The following KCNK9 variants were observed in gnomAD, a reference collection of about 807,000 sequenced individuals.
KCNK9 encodes potassium channel subfamily K member 9.
A neutral mutation model predicts 10.8 loss-of-function variants in KCNK9; 1 was observed. The ratio of observed to expected loss-of-function variants is 0.09; its 90% confidence interval spans 0.03 to 0.44. The LOEUF (loss-of-function observed/expected upper bound fraction) is 0.44. Ranked by LOEUF, KCNK9 falls within the 20% of genes least tolerant of loss-of-function variation. The probability of loss-of-function intolerance (pLI) is 0.97; values close to 1 mark genes in which losing one functional copy is unlikely to be tolerated. For synonymous variants in KCNK9, 231 were observed against 222.7 expected (o/e 1.04, Z -0.33); for missense variants, 303 against 515.0 (o/e 0.59, Z 3.98).
chr8:139,637,471 C>T (rs2080638), intron 1 of KCNK9, among the ~76,000 whole-genome samples: 6,268 of 152,248 alleles, frequency 0.041, 386 homozygotes, highest in African/African-American at 0.14. Flanking sequence ...AGAAGAGAAT[C>T]TTGCTCTTTG....
intron 1 of KCNK9, among the ~76,000 whole-genome samples, chr8:139,622,414 C>A (rs969605274): frequency 6.6e-6 from 1 of 152,184 alleles, no homozygotes; most frequent in South Asian, 2.1e-4. Flanking sequence ...CATCAAGGGT[C>A]CCTTTGCCCT....
chr8:139,670,633 T>A (rs1356101716), intron 1 of KCNK9, among the ~76,000 whole-genome samples: 1 of 152,004 alleles, frequency 6.6e-6, no homozygotes, highest in Admixed American at 6.6e-5. Flanking sequence ...GGATCCATTC[T>A]CCCCCAGGTA....
intron 1 of KCNK9, among the ~76,000 whole-genome samples, chr8:139,663,682 T>TGTGTGTGTGTGTGTGTGTGTGTG: frequency 6.9e-6 from 1 of 145,756 alleles, no homozygotes; most frequent in African/African-American, 2.6e-5. Flanking sequence ...TGTGTGTGTG[T>TGTGTGTGTGTGTGTGTGTGTGTG]TAGAGAGAGA....
At chr8:139,686,969 G>A (rs1816802933) in intron 1 of KCNK9, among the ~76,000 whole-genome samples, 2 of 152,100 alleles carry the variant, frequency 1.3e-5, no homozygotes, top group Admixed American at 1.3e-4. Flanking sequence ...GTAACTGTCA[G>A]TGCATGAAGG....
At chr8:139,700,509 C>CACAT (rs1554628677) in intron 1 of KCNK9, among the ~76,000 whole-genome samples, 6 of 110,182 alleles carry the variant, frequency 5.4e-5, no homozygotes, top group African/African-American at 2.7e-4. Flanking sequence ...CACACACACA[C>CACAT]GCGCGCGCGC....
At chr8:139,600,841 G>C (rs979108612), downstream of KCNK9, 3 of 152,224 alleles carry the variant, frequency 2.0e-5, no homozygotes, top group Admixed American at 6.5e-5. Context: ...CAGCATCTCA[G>C]AGTGCCTGGC....
chr8:139,698,652 C>T (rs752926079), intron 1 of KCNK9, among the ~76,000 whole-genome samples: 9 of 152,184 alleles, frequency 5.9e-5, no homozygotes, highest in Non-Finnish European at 1.2e-4. Flanking sequence ...CAAGGCCAGG[C>T]CTTATCTTGT....
At chr8:139,658,955 C>T (rs1222688217) in intron 1 of KCNK9, among the ~76,000 whole-genome samples, 1 of 152,196 alleles carries the variant, frequency 6.6e-6, no homozygotes, top group Non-Finnish European at 1.5e-5. Context: ...TTTGCTGAGG[C>T]AGTTGTGGAA....
At chr8:139,675,826 T>G (rs1420323646) in intron 1 of KCNK9, among the ~76,000 whole-genome samples, 2 of 152,122 alleles carry the variant, frequency 1.3e-5, no homozygotes, top group East Asian at 3.9e-4. Flanking sequence ...TGACAGAACC[T>G]GTTGGTGTTC....
chr8:139,611,445 T>A (rs184843771), downstream of KCNK9: 1 of 152,430 alleles, frequency 6.6e-6, no homozygotes, highest in East Asian at 1.9e-4. Flanking sequence ...CTTGCCTCTC[T>A]CAAGGCCCCA....
chr8:139,648,262 G>A (rs994940393), intron 1 of KCNK9, among the ~76,000 whole-genome samples: 2 of 152,156 alleles, frequency 1.3e-5, no homozygotes, highest in East Asian at 3.9e-4. Context: ...AGGGGATGGG[G>A]AGGAGAGAAT....
intron 1 of KCNK9, among the ~76,000 whole-genome samples, chr8:139,631,565 C>T (rs921578694): frequency 2.0e-4 from 30 of 152,174 alleles, no homozygotes; most frequent in African/African-American, 7.2e-4. Context: ...CTGCTGGCCG[C>T]CTCCACCCCT....
rs55774122 is a variant in KCNK9, at chr8:139,691,501, C to T, written c.283+11209G>A. Among the ~76,000 whole-genome samples, 1,086 of 152,268 alleles carry T rather than the reference C, an allele frequency of 7.1e-3. 10 individuals are homozygous for T. The highest frequency in any genetic ancestry group is 0.025 in the African/African-American group (1,040 of 41,554). On this transcript the variant is annotated intron_variant, in intron 1 of 1. Transcript: ENST00000520439. ...ATAGTAACACAACTGAGTGCTGTGC[C>T]CCCTGACCTGCTGATCCCACTACAG...
chr8:139,670,928 G>A (rs1816412763), intron 1 of KCNK9, among the ~76,000 whole-genome samples: 1 of 152,144 alleles, frequency 6.6e-6, no homozygotes, highest in African/African-American at 2.4e-5. Flanking sequence ...CACAGGGCAG[G>A]GACAGGGCCC....
chr8:139,612,840 A>G (rs1191364155), downstream of KCNK9, among the ~76,000 whole-genome samples: 1 of 152,172 alleles, frequency 6.6e-6, no homozygotes. Context: ...GGAAACAAGC[A>G]GAGGAGATCA....
chr8:139,641,454 C>T (rs1815502527), intron 1 of KCNK9, among the ~76,000 whole-genome samples: 1 of 152,206 alleles, frequency 6.6e-6, no homozygotes, highest in Admixed American at 6.5e-5. Flanking sequence ...CCTGGCACTC[C>T]TTAGCAGTCC....
At position 139,662,540 on chromosome 8, in the gene KCNK9, C is replaced by A. The variant is rs11995457; in HGVS notation, c.283+40170G>T. Reference sequence around the variant, plus strand: ...CCAGCCGCTGGCCTGACCCCATGCACCAGGTCCTACCAGGTCCAGGCTTGG... The same window carrying A: ...CCAGCCGCTGGCCTGACCCCATGCAACAGGTCCTACCAGGTCCAGGCTTGG... On this transcript the variant is annotated intron_variant, in intron 1 of 1. Coordinates refer to ENST00000520439, the MANE Select transcript of KCNK9 (RefSeq NM_001282534.2). 6.8e-3 allele frequency among the ~76,000 whole-genome samples: 1,032 copies of A among 152,216 alleles called. 10 individuals carry two copies. The highest frequency in any genetic ancestry group is 0.024 in the African/African-American group (992 of 41,516).
chr8:139,702,048 T>C lies in KCNK9; in HGVS notation c.283+662A>G, dbSNP rs199206. 0.078 allele frequency among the ~76,000 whole-genome samples: 11,849 copies of C among 152,052 alleles called. 1,394 individuals are homozygous for C. The highest frequency in any genetic ancestry group is 0.26 in the African/African-American group (10,802 of 41,454). On this transcript the variant is annotated intron_variant, in intron 1 of 1. Coordinates refer to ENST00000520439, the MANE Select transcript of KCNK9 (RefSeq NM_001282534.2). This position sits in a 1 kb window ranked among gnomAD's most constrained non-coding sequence, Gnocchi z 7.5. ...CACTCTCCACCTCTACTGAGAGCAATTGAGGGGCTGCCACCCCCAACGCAA... is the reference window on the plus strand; with the variant it reads ...CACTCTCCACCTCTACTGAGAGCAACTGAGGGGCTGCCACCCCCAACGCAA...
At chr8:139,602,024 A>T (rs1479965253) in intron 2 of KCNK9, 1 of 152,252 alleles carries the variant, frequency 6.6e-6, no homozygotes. Context: ...TCCTCTCTTC[A>T]GGACCTGGGC....
Sources: allele counts gnomAD v4.1 joint callset (sites outside exome capture counted in the v4.1 genomes callset), GRCh38; gene constraint gnomAD v4.1.1; non-coding constraint Gnocchi (gnomAD v3.1); transcripts MANE v1.5; gene names NCBI Gene and HGNC (gene_info 2026-07-23, HGNC 2026-07-21).